The following GALNT14 variants were observed in gnomAD, a reference collection of about 807,000 sequenced individuals.
The protein encoded by GALNT14 is polypeptide N-acetylgalactosaminyltransferase 14, also known as UDP-GalNAc:polypeptide N-acetylgalactosaminyltransferase 14.
A neutral mutation model predicts 77.5 loss-of-function variants in GALNT14; 60 were observed. That is an observed-to-expected ratio of 0.77 (90% CI 0.63 to 0.96). The LOEUF is 0.96. GALNT14 is among the 40% of genes least tolerant of loss of function. The pLI is 0.00. For missense variants in GALNT14, 710 were observed against 731.0 expected, an observed-to-expected ratio of 0.97 and a Z score of 0.33; for synonymous variants, 280 against 281.7, an observed-to-expected ratio of 0.99 and a Z score of 0.06.
Position 31,138,020 on chromosome 2 carries a change from A to C in GALNT14, c.67T>G (p.Phe23Val). 6.2e-7 allele frequency: 1 copy of C among 1,613,830 alleles called. No individual in the cohort carries two copies. The change falls in exon 1 of 15, where the codon TTC becomes GTC. Residue 23 changes from phenylalanine to valine, a missense_variant. Coordinates refer to ENST00000349752, the MANE Select transcript of GALNT14 (RefSeq NM_024572.4). The part of the protein sequence containing the change: ...FGVLWITVLL[F>V]FWVTKRKLEV... ...AACTTCCTCTTGGTTACCCAGAAGA[A>C]CAGCAGCACCGTGATCCAGAGCACC...
At chr2:31,016,521 G>A (rs909308577) in intron 1 of GALNT14, among the ~76,000 whole-genome samples, 1 of 152,088 alleles carries the variant, frequency 6.6e-6, no homozygotes, top group Non-Finnish European at 1.5e-5. Flanking sequence ...GAACCACAGT[G>A]GGTGCCACTG....
chr2:31,013,486 C>T (rs1307987615), intron 1 of GALNT14, among the ~76,000 whole-genome samples: 2 of 152,192 alleles, frequency 1.3e-5, no homozygotes, highest in African/African-American at 4.8e-5. Context: ...AACTTCCCCG[C>T]GGCAGCTTTC....
intron 9 of GALNT14, among the ~76,000 whole-genome samples, chr2:30,938,915 C>T (rs1250152000): frequency 1.3e-5 from 2 of 152,226 alleles, no homozygotes; most frequent in African/African-American, 2.4e-5. Context: ...ATGTCTCTAC[C>T]AGCTGCTATT....
intron 1 of GALNT14, among the ~76,000 whole-genome samples, chr2:31,029,684 G>C (rs1300738695): frequency 6.6e-6 from 1 of 152,098 alleles, no homozygotes; most frequent in Non-Finnish European, 1.5e-5. Flanking sequence ...ATGTAGACTA[G>C]AACAACACTC....
At chr2:31,114,544 C>T (rs907843807) in intron 1 of GALNT14, among the ~76,000 whole-genome samples, 12 of 151,998 alleles carry the variant, frequency 7.9e-5, no homozygotes, top group East Asian at 7.7e-4. Flanking sequence ...CCTAAATTAG[C>T]GGCTTAGAAG....
At chr2:30,907,310 T>G (rs983879291), downstream of GALNT14, among the ~76,000 whole-genome samples, 10 of 152,010 alleles carry the variant, frequency 6.6e-5, no homozygotes, top group African/African-American at 2.4e-4. Flanking sequence ...GATAGACCGC[T>G]AGCAAGACTA....
chr2:31,052,466 A>G (rs4952044), intron 1 of GALNT14, among the ~76,000 whole-genome samples: 104,400 of 152,050 alleles, frequency 0.69, 36,782 homozygotes, highest in East Asian at 1. Flanking sequence ...ACCCGCACTC[A>G]GGACACTTTT....
chr2:30,982,073 G>A (rs143611841), intron 2 of GALNT14, among the ~76,000 whole-genome samples: 1 of 152,332 alleles, frequency 6.6e-6, no homozygotes, highest in Non-Finnish European at 1.5e-5. Context: ...GCAGAGAGAA[G>A]GGGCAAAACG....
At chr2:30,914,952 C>T (rs1473512793) in intron 13 of GALNT14, among the ~76,000 whole-genome samples, 1 of 152,108 alleles carries the variant, frequency 6.6e-6, no homozygotes, top group Non-Finnish European at 1.5e-5. Context: ...AAGCCATATG[C>T]CCTGAGATCA....
intron 1 of GALNT14, among the ~76,000 whole-genome samples, chr2:31,120,854 C>T (rs532831880): frequency 6.6e-6 from 1 of 152,238 alleles, no homozygotes; most frequent in East Asian, 1.9e-4. Context: ...CCACGCCCAG[C>T]CATGGACACA....
intron 1 of GALNT14, among the ~76,000 whole-genome samples, chr2:31,083,802 C>T (rs910389851): frequency 2.0e-5 from 3 of 152,200 alleles, no homozygotes; most frequent in Non-Finnish European, 4.4e-5. Flanking sequence ...AGGTCCAAGT[C>T]CTTCCCTATG....
chr2:31,099,088 T>TA (rs1677139612), intron 1 of GALNT14, among the ~76,000 whole-genome samples: 1 of 152,100 alleles, frequency 6.6e-6, no homozygotes, highest in Non-Finnish European at 1.5e-5. Flanking sequence ...CCTCCACTTT[T>TA]TATATATAAG....
intron 1 of GALNT14, among the ~76,000 whole-genome samples, chr2:31,131,215 G>T (rs571430272): frequency 1.3e-5 from 2 of 152,350 alleles, no homozygotes; most frequent in Admixed American, 6.5e-5. Context: ...ATGGGAGCTA[G>T]AGAAGGTGGG....
At chr2:30,927,741 C>T (rs1173576488) in intron 11 of GALNT14, among the ~76,000 whole-genome samples, 1 of 152,068 alleles carries the variant, frequency 6.6e-6, no homozygotes, top group African/African-American at 2.4e-5. Flanking sequence ...GGACTAGGGG[C>T]TGGGAAGAGT....
At chr2:31,027,160 G>A (rs751249262) in intron 1 of GALNT14, among the ~76,000 whole-genome samples, 13 of 152,292 alleles carry the variant, frequency 8.5e-5, no homozygotes, top group East Asian at 1.9e-4. Flanking sequence ...GGCCAGTTGC[G>A]GTGGCTCACG....
intron 13 of GALNT14, among the ~76,000 whole-genome samples, chr2:30,916,658 T>TTCTC (rs58990422): frequency 0.46 from 69,277 of 151,714 alleles, 16,689 homozygotes; most frequent in African/African-American, 0.63. Context: ...GTCAGTAACC[T>TTCTC]TCTCTAGCAG....
At position 30,915,947 on chromosome 2, in the gene GALNT14, C is replaced by T. The variant is rs559664745; in HGVS notation, c.1381-3605G>A. Among the ~76,000 whole-genome samples the T allele has an allele frequency of 1.5e-3, 226 of 152,230 alleles. 1 individual carries two copies. Among genetic ancestry groups the T allele is most frequent in the Middle Eastern group, 3.4e-3 (1 of 294 alleles). ...AGCATGACAAGATAATGAAGGAATT[C>T]TTAACAGGACCTGTTTAGGATTAAA... On this transcript the variant is annotated intron_variant, in intron 13 of 14. Transcript: ENST00000349752.
chr2:30,977,351 A>G (rs1035533508), intron 2 of GALNT14, among the ~76,000 whole-genome samples: 7 of 152,210 alleles, frequency 4.6e-5, no homozygotes, highest in African/African-American at 1.4e-4. Flanking sequence ...AGGTCCTCCC[A>G]AAGTGCTGGG....
At position 30,942,233 on chromosome 2, in the gene GALNT14, A is replaced by G. The variant is rs779962125; in HGVS notation, c.899T>C (p.Met300Thr). ...AWFDYLGKYD[M>T]DMDIWGGENF... Reference sequence around the variant, plus strand: ...CTCCCCACCCCAGATGTCCATGTCCATATCATATTTCCCCAGGTAATCAAA... The same window carrying G: ...CTCCCCACCCCAGATGTCCATGTCCGTATCATATTTCCCCAGGTAATCAAA... The change falls in exon 9 of 15, where the codon ATG becomes ACG. Residue 300 changes from methionine to threonine, a missense_variant. Transcript: ENST00000349752. 2.2e-5 allele frequency: 35 copies of G among 1,614,130 alleles called. 1 individual carries two copies. Among genetic ancestry groups the G allele is most frequent in the South Asian group, 2.0e-4 (18 of 91,082 alleles).
Sources: allele counts gnomAD v4.1 joint callset (sites outside exome capture counted in the v4.1 genomes callset), GRCh38; gene constraint gnomAD v4.1.1; transcripts MANE v1.5; gene names NCBI Gene and HGNC (gene_info 2026-07-23, HGNC 2026-07-21).